AVEN: variants seen among roughly 807,000 people sequenced by gnomAD.
AVEN encodes the protein apoptosis and caspase activation inhibitor.
AVEN carries 41 observed loss-of-function variants against 38.1 expected under a neutral mutation model. The ratio of observed to expected loss-of-function variants is 1.08; its 90% CI spans 0.84 to 1.40. AVEN has a LOEUF of 1.40. Among genes scored for constraint, AVEN ranks in the 40% most tolerant of loss-of-function variants. The pLI is 0.00. For synonymous variants in AVEN, 206 were observed against 171.8 expected (o/e 1.20, Z -1.56); for missense variants, 605 against 438.8 (o/e 1.38, Z -3.38).
chr15:34,016,129 A>G (rs1897898008), intron 1 of AVEN, among the ~76,000 whole-genome samples: 1 of 152,160 alleles, frequency 6.6e-6, no homozygotes, highest in African/African-American at 2.4e-5. Context: ...ATACAAAATT[A>G]GCTGGGCATG....
chr15:33,911,246 A>G (rs1419086040), intron 2 of AVEN, among the ~76,000 whole-genome samples: 1 of 152,214 alleles, frequency 6.6e-6, no homozygotes, highest in East Asian at 1.9e-4. Context: ...AACTTGTTCT[A>G]CTGACCAGAT....
chr15:33,997,058 A>G (rs143848629), intron 2 of AVEN, among the ~76,000 whole-genome samples: 303 of 152,380 alleles, frequency 2.0e-3, no homozygotes, highest in African/African-American at 6.9e-3. Flanking sequence ...TGTAGCAAAC[A>G]ATAAAATGTA....
At chr15:33,870,725 C>A (rs1172303676) in intron 4 of AVEN, among the ~76,000 whole-genome samples, 1 of 152,114 alleles carries the variant, frequency 6.6e-6, no homozygotes, top group Non-Finnish European at 1.5e-5. Context: ...ACATTTGATC[C>A]TTTAAAATGT....
At chr15:34,031,024 C>T (rs1379951234) in intron 1 of AVEN, among the ~76,000 whole-genome samples, 1 of 152,092 alleles carries the variant, frequency 6.6e-6, no homozygotes, top group Non-Finnish European at 1.5e-5. Flanking sequence ...GAATATACAT[C>T]TATTAACAAA....
chr15:33,863,915 G>T (rs1171225047), downstream of AVEN, among the ~76,000 whole-genome samples: 2 of 152,162 alleles, frequency 1.3e-5, no homozygotes, highest in Non-Finnish European at 2.9e-5. Flanking sequence ...GTATAGGGAT[G>T]GCAAAAAGCA....
chr15:33,938,360 C>CAGG (rs1216935894), intron 2 of AVEN, among the ~76,000 whole-genome samples: 1 of 151,984 alleles, frequency 6.6e-6, no homozygotes, highest in Non-Finnish European at 1.5e-5. Flanking sequence ...GAGGCTGAGG[C>CAGG]AGGAGAATGG....
exon 1 of AVEN, among the ~76,000 whole-genome samples, chr15:34,074,865 C>G (rs533977806): frequency 6.6e-6 from 1 of 151,970 alleles, no homozygotes; most frequent in Non-Finnish European, 1.5e-5. Context: ...GAACTGTAGA[C>G]CAATGATGGG....
At chr15:33,861,659 A>G (rs773126281), downstream of AVEN, among the ~76,000 whole-genome samples, 2 of 152,052 alleles carry the variant, frequency 1.3e-5, no homozygotes, top group African/African-American at 2.4e-5. Context: ...TCCTCCCACT[A>G]CATCATAATA....
intron 2 of AVEN, among the ~76,000 whole-genome samples, chr15:33,961,752 G>A (rs908235033): frequency 1.4e-5 from 2 of 139,134 alleles, no homozygotes; most frequent in East Asian, 2.2e-4. Flanking sequence ...GGCGGAGCTT[G>A]CAGTGAGCCG....
At chr15:33,859,830 A>ATTCAT in intron 11 of AVEN, 1 of 1,263,544 alleles carries the variant, frequency 7.9e-7, no homozygotes, top group East Asian at 2.5e-5. Context: ...AAGCGTGTGA[A>ATTCAT]TTCATTTACT....
At chr15:33,917,396 AC>A (rs1567412507) in intron 2 of AVEN, among the ~76,000 whole-genome samples, 1 of 23,256 alleles carries the variant, frequency 4.3e-5, no homozygotes, top group African/African-American at 8.0e-5. Context: ...ACACACACAC[AC>A]ATGGAATACT....
At chr15:33,975,892 T>C (rs961566412) in intron 2 of AVEN, among the ~76,000 whole-genome samples, 5 of 152,184 alleles carry the variant, frequency 3.3e-5, no homozygotes, top group Admixed American at 1.3e-4. Flanking sequence ...ATTGTGCCAC[T>C]GCACTCCAGC....
In AVEN at chr15:33,866,404, T is replaced by C. The variant is rs1490525162; in HGVS notation, c.*209A>G. 1.7e-6 allele frequency: 1 copy of C among 578,496 alleles called. No individual in the cohort carries two copies. The highest frequency in any genetic ancestry group is 3.1e-6 in the Non-Finnish European group (1 of 327,106). 35.8% of individuals were successfully genotyped at this position (578,496 alleles called of 1,614,324 possible). A position where few individuals can be genotyped will look rare whatever the true frequency, so the allele number is the denominator to read the frequency against. Reference sequence around the variant, plus strand: ...CCTGCCCTTAAGGAAATCTATTAGATTACTAAGCCAGAAAAACAAATGCAA... The same window carrying C: ...CCTGCCCTTAAGGAAATCTATTAGACTACTAAGCCAGAAAAACAAATGCAA... On this transcript the variant is annotated 3_prime_UTR_variant, in exon 6 of 6. Transcript: ENST00000306730.
chr15:33,976,028 T>C (rs1895872021), intron 2 of AVEN, among the ~76,000 whole-genome samples: 1 of 152,198 alleles, frequency 6.6e-6, no homozygotes, highest in Non-Finnish European at 1.5e-5. Context: ...TTGTCCTGAG[T>C]TGTTTCCAGG....
At chr15:33,865,356 G>GA (rs1394028547), downstream of AVEN, 1 of 656,498 alleles carries the variant, frequency 1.5e-6, no homozygotes, top group Non-Finnish European at 2.6e-6. Context: ...AAAAACTGCT[G>GA]AAAATCTGTG....
chr15:34,026,159 T>C (rs751214429), intron 1 of AVEN, among the ~76,000 whole-genome samples: 109 of 152,330 alleles, frequency 7.2e-4, no homozygotes, highest in Non-Finnish European at 1.2e-3. Flanking sequence ...TGCATACATA[T>C]ACCTTATAAT....
chr15:34,026,750 G>A (rs1166119526), intron 1 of AVEN, among the ~76,000 whole-genome samples: 1 of 152,116 alleles, frequency 6.6e-6, no homozygotes, highest in Non-Finnish European at 1.5e-5. Context: ...ATGGATATGT[G>A]ATCAATTCCA....
At chr15:33,988,356 A>G (rs1896568336) in intron 2 of AVEN, among the ~76,000 whole-genome samples, 1 of 152,236 alleles carries the variant, frequency 6.6e-6, no homozygotes, top group African/African-American at 2.4e-5. Context: ...TGATTCTGCT[A>G]CCTAAGAGAT....
At chr15:34,054,384 T>A (rs1252614071) in intron 5 of AVEN, among the ~76,000 whole-genome samples, 2 of 152,186 alleles carry the variant, frequency 1.3e-5, no homozygotes, top group Non-Finnish European at 2.9e-5. Context: ...CATGTGTATG[T>A]TCACTGCAGC....
Sources: gnomAD v4.1 joint callset for allele counts (sites outside exome capture counted in the v4.1 genomes callset) on GRCh38, gnomAD v4.1.1 for gene constraint, MANE v1.5 for transcripts, NCBI Gene and HGNC (gene_info 2026-07-23, HGNC 2026-07-21) for gene names.